Variants in RRAS2 observed in about 807,000 individuals in gnomAD.
The protein encoded by RRAS2 is RAS related 2.
RRAS2 carries 7 observed loss-of-function variants against 27.6 expected under a neutral mutation model. The ratio of observed to expected loss-of-function variants is 0.25; its 90% CI spans 0.14 to 0.48. The LOEUF is 0.48. Among genes scored for constraint, RRAS2 ranks in the 20% least tolerant of loss-of-function variants. RRAS2 has a pLI of 0.99. For missense variants in RRAS2, 178 were observed against 256.2 expected (o/e 0.69, Z 2.08); for synonymous variants, 86 against 90.9 (o/e 0.95, Z 0.31).
upstream of RRAS2, among the ~76,000 whole-genome samples, chr11:14,360,877 C>T (rs1034775689): frequency 1.4e-5 from 2 of 147,522 alleles, no homozygotes; most frequent in South Asian, 2.1e-4. Flanking sequence ...GCCAAGTTCA[C>T]GCCACTGCAC....
At chr11:14,344,615 G>A (rs577698545) in intron 1 of RRAS2, among the ~76,000 whole-genome samples, 4 of 152,244 alleles carry the variant, frequency 2.6e-5, no homozygotes, top group East Asian at 3.9e-4. Flanking sequence ...CTACTGAAAC[G>A]TCAACCACAT....
chr11:14,341,468 G>C (rs536935739), intron 1 of RRAS2, among the ~76,000 whole-genome samples: 2 of 152,084 alleles, frequency 1.3e-5, no homozygotes, highest in Non-Finnish European at 2.9e-5. Context: ...ACCATGTATA[G>C]TAATTCTTAA....
intron 1 of RRAS2, among the ~76,000 whole-genome samples, chr11:14,345,823 C>T (rs1012127514): frequency 1.5e-4 from 23 of 152,188 alleles, no homozygotes; most frequent in Non-Finnish European, 3.1e-4. Flanking sequence ...TCTCCAACGT[C>T]AACTTGCTGT....
chr11:14,294,965 G>C lies in RRAS2; in HGVS notation c.197-103C>G, dbSNP rs554831433. On this transcript the variant is annotated intron_variant, in intron 2 of 5. Transcript: ENST00000256196. ...GAGTCCTCTAGAGAGCCTCATACTTGGTATAATACAGAAATGGCATTCCTT... is the reference window on the plus strand; with the variant it reads ...GAGTCCTCTAGAGAGCCTCATACTTCGTATAATACAGAAATGGCATTCCTT... The C allele has an allele frequency of 1.7e-4, 144 of 854,462 alleles. 1 individual carries two copies. The African/African-American group carries it at 2.1e-3, about 12-fold the overall frequency. 52.9% of individuals were successfully genotyped at this position (854,462 alleles called of 1,614,324 possible).
At chr11:14,364,170 T>C (rs1849224549), upstream of RRAS2, among the ~76,000 whole-genome samples, 1 of 152,188 alleles carries the variant, frequency 6.6e-6, no homozygotes, top group South Asian at 2.1e-4. Context: ...GGACAAACAA[T>C]GACCATCTCA....
At chr11:14,325,995 C>A (rs922421227) in intron 1 of RRAS2, among the ~76,000 whole-genome samples, 1 of 152,192 alleles carries the variant, frequency 6.6e-6, no homozygotes, top group Non-Finnish European at 1.5e-5. Context: ...ATGCTTCTCT[C>A]ATCTCCTTCC....
At chr11:14,360,114 T>C (rs1849170100), upstream of RRAS2, among the ~76,000 whole-genome samples, 1 of 151,468 alleles carries the variant, frequency 6.6e-6, no homozygotes, top group Non-Finnish European at 1.5e-5. Flanking sequence ...AGTTTGACTA[T>C]CATAAGACTG....
chr11:14,358,530 C>T lies in RRAS2; in HGVS notation c.108+233G>A. ...CACCCTTCCAGCTCCGCCCTCCCGA[C>T]CACATTCCTGAGAAGCCCTACTCCC... On this transcript the variant is annotated intron_variant, in intron 1 of 5. Coordinates refer to ENST00000256196, the MANE Select transcript of RRAS2 (RefSeq NM_012250.6). The surrounding 1 kb of genome is among the most constrained non-coding windows in gnomAD (Gnocchi z 5.1). 2 of 986,230 alleles carry T rather than the reference C, an allele frequency of 2.0e-6. No individual in the cohort carries two copies. The highest frequency in any genetic ancestry group is 2.4e-6 in the Non-Finnish European group (2 of 830,644). The allele number at this position is 986,230 out of a possible 1,614,324, so 61.1% of individuals were successfully genotyped here.
At chr11:14,296,023 A>G (rs1437279632) in intron 1 of RRAS2, 168 bp from the exon 2 acceptor site, 5 of 470,792 alleles carry the variant, frequency 1.1e-5, no homozygotes, top group Non-Finnish European at 1.8e-5. Flanking sequence ...AAAAAATTAA[A>G]AAATTAAAAA....
chr11:14,279,607 C>G (rs763268381), intron 5 of RRAS2, among the ~76,000 whole-genome samples, 183 bp from the exon 6 acceptor site: 40 of 152,152 alleles, frequency 2.6e-4, no homozygotes, highest in Non-Finnish European at 1.2e-4. Context: ...AACACCAGCA[C>G]AAGCAGAGCT....
At chr11:14,304,415 G>T (rs1200299990) in intron 1 of RRAS2, among the ~76,000 whole-genome samples, 5 of 152,162 alleles carry the variant, frequency 3.3e-5, no homozygotes, top group Non-Finnish European at 7.3e-5. Flanking sequence ...GGCTACATGT[G>T]CAAAACCAGT....
At chr11:14,323,617 T>C (rs1848278904) in intron 1 of RRAS2, among the ~76,000 whole-genome samples, 1 of 151,628 alleles carries the variant, frequency 6.6e-6, no homozygotes, top group African/African-American at 2.4e-5. Flanking sequence ...AACAAGTAAA[T>C]CCAGTATCAC....
intron 1 of RRAS2, among the ~76,000 whole-genome samples, chr11:14,341,121 C>T (rs574822954): frequency 2.6e-5 from 4 of 152,224 alleles, no homozygotes; most frequent in African/African-American, 9.6e-5. Flanking sequence ...ATAATCCTAT[C>T]CCTCCCCCTG....
At position 14,358,006 on chromosome 11, in the gene RRAS2, T is replaced by TA. The variant is rs1198544173; in HGVS notation, c.108+756_108+757insT. Among the ~76,000 whole-genome samples, 1 of 151,498 alleles carries TA rather than the reference T, an allele frequency of 6.6e-6. No homozygotes were observed. ...AGAGGGCTGGGGGTAGGGGAGAGGG[T>TA]GGTTAGAAAACAGAACGCACGACTC... On this transcript the variant is annotated intron_variant, in intron 1 of 5. Transcript: ENST00000256196. This position sits in a 1 kb window ranked among gnomAD's most constrained non-coding sequence, Gnocchi z 5.1.
In RRAS2 at chr11:14,314,811, C is replaced by G. The variant is rs543301855; in HGVS notation, c.109-18956G>C. 7.2e-5 allele frequency among the ~76,000 whole-genome samples: 11 copies of G among 152,222 alleles called. No homozygotes were observed. In the South Asian group the frequency reaches 2.3e-3, roughly 32 times the overall value. ...TCAAGTGATTCTCCTGCCTCAGCCT[C>G]CAGAGTAGCTGGGACTACAGGCACA... On this transcript the variant is annotated intron_variant, in intron 1 of 5. Coordinates refer to ENST00000256196, the MANE Select transcript of RRAS2 (RefSeq NM_012250.6).
chr11:14,330,518 C>T (rs1848462580), intron 1 of RRAS2, among the ~76,000 whole-genome samples: 1 of 152,034 alleles, frequency 6.6e-6, no homozygotes, highest in African/African-American at 2.4e-5. Flanking sequence ...AATTAAAAAA[C>T]AAAAAACTGG....
At chr11:14,337,150 C>T (rs1246608352) in intron 1 of RRAS2, 5 of 152,124 alleles carry the variant, frequency 3.3e-5, no homozygotes, top group Admixed American at 1.3e-4. Context: ...CACAGTCAAC[C>T]ACAGTTCAAA....
At chr11:14,359,595 G>A (rs191028588), upstream of RRAS2, among the ~76,000 whole-genome samples, 1 of 152,338 alleles carries the variant, frequency 6.6e-6, no homozygotes. Context: ...CAGTAATTGA[G>A]TGTGTGATGG....
Position 14,294,756 on chromosome 11 carries a change from A to C in RRAS2, c.299+4T>G, listed in dbSNP as rs782074977. Reference sequence around the variant, plus strand: ...GTGGATCTACATTCTAATATGGTACAAACCTGCCTCTATCTGTGACTGAAA... The same window carrying C: ...GTGGATCTACATTCTAATATGGTACCAACCTGCCTCTATCTGTGACTGAAA... On this transcript the variant is annotated splice_donor_region_variant and intron_variant, in intron 3 of 5. Transcript: ENST00000256196. 6.2e-7 allele frequency: 1 copy of C among 1,612,584 alleles called. No homozygotes were observed. Among genetic ancestry groups the C allele is most frequent in the South Asian group, 1.1e-5 (1 of 91,030 alleles).
Sources: gnomAD v4.1 joint callset for allele counts (sites outside exome capture counted in the v4.1 genomes callset) on GRCh38, gnomAD v4.1.1 for gene constraint, Gnocchi (gnomAD v3.1) non-coding constraint, MANE v1.5 for transcripts, NCBI Gene and HGNC (gene_info 2026-07-23, HGNC 2026-07-21) for gene names.